Variants in RELN observed in about 807,000 individuals in gnomAD.
RELN encodes reelin.
RELN carries 108 observed loss-of-function variants against 427.6 expected under a neutral mutation model. That is an observed-to-expected ratio of 0.25 (90% CI 0.22 to 0.30). The LOEUF (loss-of-function observed/expected upper bound fraction) is 0.30. Among genes scored for constraint, RELN ranks in the 10% least tolerant of loss-of-function variants. The pLI, the probability that RELN is intolerant of heterozygous loss-of-function variation, is 1.00. For synonymous variants in RELN, 1,524 were observed against 1,513.4 expected (o/e 1.01, Z -0.16); for missense variants, 3,715 against 4,302.8 (o/e 0.86, Z 3.82).
intron 2 of RELN, among the ~76,000 whole-genome samples, chr7:103,860,502 T>C (rs1319930407): frequency 1.3e-5 from 2 of 152,092 alleles, no homozygotes; most frequent in African/African-American, 2.4e-5. Context: ...AAAATAATAA[T>C]AAAATTAGAA....
chr7:103,742,975 T>G (rs1039854583), intron 6 of RELN, among the ~76,000 whole-genome samples: 1 of 150,816 alleles, frequency 6.6e-6, no homozygotes, highest in African/African-American at 2.5e-5. Context: ...TTCACCAAAG[T>G]TGAAATAAAG....
rs140201063 is a variant in RELN, at chr7:103,813,814, A to G, written c.473+19723T>C. 6.4e-3 allele frequency among the ~76,000 whole-genome samples: 980 copies of G among 152,306 alleles called. 2 individuals are homozygous for G. The highest frequency in any genetic ancestry group is 9.1e-3 in the Non-Finnish European group (620 of 68,026). On this transcript the variant is annotated intron_variant, in intron 3 of 64. Coordinates refer to ENST00000428762, the MANE Select transcript of RELN (RefSeq NM_005045.4). ...TTTTTCTCTACTGTTGTAGTGTAAC[A>G]TGCCATTCTGACTCCTTAAATGAAT...
chr7:103,582,040 T>C (rs1831163141), intron 28 of RELN, among the ~76,000 whole-genome samples: 2 of 152,216 alleles, frequency 1.3e-5, no homozygotes, highest in African/African-American at 2.4e-5. Context: ...CTAGGCTCTA[T>C]TGAGGAATCT....
intron 1 of RELN, among the ~76,000 whole-genome samples, chr7:103,936,103 T>C (rs1477306589): frequency 6.6e-6 from 1 of 151,674 alleles, no homozygotes; most frequent in Non-Finnish European, 1.5e-5. Flanking sequence ...CAATGGCTTT[T>C]TTTTTTTGAG....
Position 103,753,198 on chromosome 7 carries a change from A to T in RELN, c.561T>A (p.Thr187=). The change falls in exon 5 of 65, where the codon ACT becomes ACA. Residue 187 remains threonine (T), a synonymous_variant. Coordinates refer to ENST00000428762, the MANE Select transcript of RELN (RefSeq NM_005045.4). ...AACACTTACCTAGATGTGGGTGCACAGTGACATCTGTTGGAGCTGAATCAA... is the reference window on the plus strand; with the variant it reads ...AACACTTACCTAGATGTGGGTGCACTGTGACATCTGTTGGAGCTGAATCAA... ...LCEQGAPTDV[T]VHPHLAEIHS... is the part of the protein sequence containing the mutation. The T allele has an allele frequency of 6.2e-7, 1 of 1,614,138 alleles. No homozygotes were observed. The highest frequency in any genetic ancestry group is 1.3e-5 in the African/African-American group (1 of 75,074).
chr7:103,810,590 C>G (rs1792716183), intron 3 of RELN, among the ~76,000 whole-genome samples: 1 of 152,174 alleles, frequency 6.6e-6, no homozygotes, highest in Non-Finnish European at 1.5e-5. Context: ...GCGCGCCAAC[C>G]TGGCAATCTC....
chr7:103,675,772 AAAC>A (rs1833505414), intron 11 of RELN, among the ~76,000 whole-genome samples: 1 of 152,232 alleles, frequency 6.6e-6, no homozygotes, highest in Non-Finnish European at 1.5e-5. Context: ...AACCTGAGAA[AAAC>A]AAGAAATGGG....
chr7:103,704,332 C>T (rs11976809), intron 8 of RELN, among the ~76,000 whole-genome samples: 11 of 152,176 alleles, frequency 7.2e-5, no homozygotes, highest in Non-Finnish European at 1.3e-4. Flanking sequence ...AAATTTCTAG[C>T]ATTTTAATGT....
intron 3 of RELN, 112 bp from the exon 4 acceptor site, chr7:103,776,739 A>C: frequency 9.5e-7 from 1 of 1,048,332 alleles, no homozygotes; most frequent in Non-Finnish European, 1.5e-6. Context: ...TGGATATGAT[A>C]TTTTTAATGA....
intron 11 of RELN, among the ~76,000 whole-genome samples, chr7:103,665,052 A>G (rs6966096): frequency 0.25 from 38,288 of 151,980 alleles, 5,347 homozygotes; most frequent in South Asian, 0.38. Context: ...ATTTTCTTCT[A>G]AAAGTTTTAA....
chr7:103,556,721 C>T (rs1034191424), intron 38 of RELN, among the ~76,000 whole-genome samples: 7 of 152,138 alleles, frequency 4.6e-5, no homozygotes, highest in South Asian at 2.1e-4. Context: ...TTTTGCCTCC[C>T]GCCACGATTC....
At chr7:103,648,496 T>C (rs1241730371) in intron 16 of RELN, among the ~76,000 whole-genome samples, 1 of 152,006 alleles carries the variant, frequency 6.6e-6, no homozygotes, top group Non-Finnish European at 1.5e-5. Flanking sequence ...ATATAGAAAA[T>C]CTAGGAAAAA....
chr7:103,657,016 T>C (rs1833035969), intron 12 of RELN, among the ~76,000 whole-genome samples: 1 of 152,056 alleles, frequency 6.6e-6, no homozygotes. Context: ...ACTCAATAGG[T>C]AAGTCTTGGA....
chr7:103,618,987 G>A (rs1020947912), intron 20 of RELN, among the ~76,000 whole-genome samples: 10 of 151,926 alleles, frequency 6.6e-5, no homozygotes, highest in African/African-American at 1.5e-4. Flanking sequence ...GCATGGTGGC[G>A]GGCACCTGTA....
intron 2 of RELN, among the ~76,000 whole-genome samples, chr7:103,865,132 C>CAAAAAAAA (rs386410871): frequency 2.2e-3 from 144 of 66,904 alleles, no homozygotes; most frequent in Non-Finnish European, 2.5e-3. Context: ...GAAACTGTCT[C>CAAAAAAAA]AAAAAAAAAA....
rs587780438 is a variant in RELN, at chr7:103,515,395, G to A, written c.7909C>T (p.Arg2637Cys). The A allele has an allele frequency of 1.2e-6, 2 of 1,614,032 alleles. No individual in the cohort carries two copies. Among genetic ancestry groups the A allele is most frequent in the Non-Finnish European group, 1.7e-6 (2 of 1,179,962 alleles). ...TGTCTTGGCTGCCACCAGCGGAAGC[G>A]AGTGGCAATCTCTTTAGCATCAGGA... The part of the protein sequence containing the change: ...LPPDAKEIAT[R>C]FRWWQPRHDG... The change falls in exon 50 of 65, where the codon CGC (arginine) becomes TGC (cysteine). Residue 2637 changes from arginine to cysteine, a missense_variant. Coordinates refer to ENST00000428762, the MANE Select transcript of RELN (RefSeq NM_005045.4).
intron 46 of RELN, among the ~76,000 whole-genome samples, chr7:103,526,656 ACTT>A (rs1327483814): frequency 5.9e-5 from 9 of 152,290 alleles, no homozygotes; most frequent in African/African-American, 1.2e-4. Flanking sequence ...AATTGCCAGG[ACTT>A]CTTATTCCCA....
intron 2 of RELN, among the ~76,000 whole-genome samples, chr7:103,855,505 C>T (rs1438753540): frequency 6.6e-6 from 1 of 152,132 alleles, no homozygotes; most frequent in African/African-American, 2.4e-5. Flanking sequence ...AGAGGCCAGG[C>T]AAGGCATGAG....
At chr7:103,528,766 T>G (rs1829877673) in intron 46 of RELN, among the ~76,000 whole-genome samples, 1 of 148,026 alleles carries the variant, frequency 6.8e-6, no homozygotes, top group African/African-American at 2.5e-5. Flanking sequence ...TGACTTGAGG[T>G]GATTCGCCTG....
Sources: allele counts gnomAD v4.1 joint callset (sites outside exome capture counted in the v4.1 genomes callset), GRCh38; gene constraint gnomAD v4.1.1; transcripts MANE v1.5; gene names NCBI Gene and HGNC (gene_info 2026-07-23, HGNC 2026-07-21).